CNKSR3: variants seen among roughly 807,000 people sequenced by gnomAD.
The protein encoded by CNKSR3 is CNKSR family member 3.
Under a neutral mutation model 67.7 loss-of-function variants are expected in CNKSR3, and 36 were observed. That is an observed-to-expected ratio of 0.53 (90% confidence interval 0.41 to 0.70). CNKSR3 has a LOEUF of 0.70. Among genes scored for constraint, CNKSR3 ranks in the 30% least tolerant of loss-of-function variants. The probability of loss-of-function intolerance (pLI) is 0.00; values close to 1 mark genes in which losing one functional copy is unlikely to be tolerated. For missense variants in CNKSR3, 630 were observed against 695.2 expected (o/e 0.91, Z 1.05); for synonymous variants, 281 against 271.4 (o/e 1.04, Z -0.35).
intron 8 of CNKSR3, 87 bp downstream of exon 8, chr6:154,422,828 G>A (rs1408990106): frequency 2.5e-5 from 31 of 1,257,380 alleles, no homozygotes; most frequent in South Asian, 1.5e-4. Context: ...GGATATAAGC[G>A]GCAAATTTTA....
At chr6:154,433,357 A>G (rs1249479976) in intron 5 of CNKSR3, 109 bp downstream of exon 5, 6 of 764,638 alleles carry the variant, frequency 7.8e-6, no homozygotes, top group Non-Finnish European at 1.3e-5. Context: ...CCAAAAGCCA[A>G]TATTTCAAAG....
In CNKSR3 at chr6:154,410,943, G is replaced by A; in HGVS notation, c.1270C>T (p.Pro424Ser). 1 of 1,611,818 alleles carries A rather than the reference G, an allele frequency of 6.2e-7. No individual in the cohort carries two copies. Among genetic ancestry groups the A allele is most frequent in the South Asian group, 1.1e-5 (1 of 90,834 alleles). The change falls in exon 11 of 13, where the codon CCA (proline) becomes TCA (serine). Residue 424 changes from proline to serine, a missense_variant. Coordinates refer to ENST00000607772, the MANE Select transcript of CNKSR3 (RefSeq NM_173515.4). ...AACACTTGAAACTTACCATAAGATG[G>A]TGTTTTCTCTCTCATTTTTGTGGGC... is the stretch of plus-strand genomic sequence containing the variant. ...ILPTKMREKT[P>S]SYGKPRPLSM...
chr6:154,504,211 G>A (rs1040636191), intron 1 of CNKSR3, among the ~76,000 whole-genome samples: 1 of 152,176 alleles, frequency 6.6e-6, no homozygotes, highest in Non-Finnish European at 1.5e-5. Context: ...GAAAGCTCAC[G>A]AAATTTGCAA....
rs1361928022 is a variant in CNKSR3, at chr6:154,395,608, CTT to C, written c.*10744_*10745del. ...AAAACTCAACTTTCTTGTTCTCAGA[CTT>C]TTATTAATGCAGTTTGTTGTCTCCA... On this transcript the variant is annotated 3_prime_UTR_variant, in exon 13 of 13. Coordinates refer to ENST00000607772, the MANE Select transcript of CNKSR3 (RefSeq NM_173515.4). 2.0e-5 allele frequency: 3 copies of C among 152,180 alleles called. No homozygotes were observed. Among genetic ancestry groups the C allele is most frequent in the Non-Finnish European group, 4.4e-5 (3 of 68,028 alleles). The allele number at this position is 152,180 out of a possible 1,614,324, so 9.4% of individuals were successfully genotyped here.
At chr6:154,454,082 A>AACACACACACACACACACACACACACAC (rs368097129) in intron 1 of CNKSR3, among the ~76,000 whole-genome samples, 2 of 78,284 alleles carry the variant, frequency 2.6e-5, no homozygotes, top group African/African-American at 5.6e-5. Flanking sequence ...GCAAGATGAA[A>AACACACACACACACACACACACACACAC]ACACACACAC....
At chr6:154,425,859 T>G (rs1785244324) in intron 7 of CNKSR3, among the ~76,000 whole-genome samples, 2 of 152,072 alleles carry the variant, frequency 1.3e-5, no homozygotes, top group South Asian at 4.2e-4. Context: ...CATTAAAACA[T>G]TCTGACAGTG....
intron 1 of CNKSR3, among the ~76,000 whole-genome samples, chr6:154,492,759 C>A (rs58118962): frequency 0.012 from 1,582 of 131,314 alleles, 92 homozygotes; most frequent in Admixed American, 0.095. Context: ...AAAAAAAAAA[C>A]AAAAAACAAA....
chr6:154,506,722 C>T lies in CNKSR3; in HGVS notation c.52+3341G>A, dbSNP rs1289949655. ...GGTTTTCTGTTATGTGCGGCTAACCCTACACGTTGTAAAAGATCATTTGCT... is the reference window on the plus strand; with the variant it reads ...GGTTTTCTGTTATGTGCGGCTAACCTTACACGTTGTAAAAGATCATTTGCT... On this transcript the variant is annotated intron_variant, in intron 1 of 12. Coordinates refer to ENST00000607772, the MANE Select transcript of CNKSR3 (RefSeq NM_173515.4). Among the ~76,000 whole-genome samples the T allele has an allele frequency of 2.0e-5, 3 of 152,246 alleles. No homozygotes were observed. In the East Asian group the frequency reaches 5.8e-4, roughly 29 times the overall value.
chr6:154,483,201 G>A (rs937646999), intron 1 of CNKSR3, among the ~76,000 whole-genome samples: 1 of 152,138 alleles, frequency 6.6e-6, no homozygotes, highest in African/African-American at 2.4e-5. Flanking sequence ...CTAGGCCACT[G>A]AGCCTCTAGG....
At chr6:154,443,422 A>G (rs1419285677) in intron 2 of CNKSR3, among the ~76,000 whole-genome samples, 1 of 149,726 alleles carries the variant, frequency 6.7e-6, no homozygotes, top group Non-Finnish European at 1.5e-5. Context: ...CGGTGTGACA[A>G]CCAAAAATCG....
rs1465514404 is a variant in CNKSR3 at position 154,400,650 on chromosome 6, C to T, written c.*5704G>A. 1 of 152,160 alleles carries T rather than the reference C, an allele frequency of 6.6e-6. No individual in the cohort carries two copies. Among genetic ancestry groups the T allele is most frequent in the East Asian group, 1.9e-4 (1 of 5,186 alleles). 9.4% of individuals were successfully genotyped at this position (152,160 alleles called of 1,614,324 possible). A position where few individuals can be genotyped will look rare whatever the true frequency, so the allele number is the denominator to read the frequency against. On this transcript the variant is annotated 3_prime_UTR_variant, in exon 13 of 13. Transcript: ENST00000607772. ...ATAAAAAATTTGTCTTTTACATACACAAATGCACACATATATAGGGTTTGG... is the reference window on the plus strand; with the variant it reads ...ATAAAAAATTTGTCTTTTACATACATAAATGCACACATATATAGGGTTTGG...
intron 4 of CNKSR3, among the ~76,000 whole-genome samples, chr6:154,435,214 T>C (rs975346581): frequency 1.9e-4 from 29 of 152,046 alleles, no homozygotes; most frequent in Admixed American, 1.6e-3. Context: ...CAGGCTGAAC[T>C]TGAATTCTAG....
At chr6:154,465,449 A>T (rs149261466) in intron 1 of CNKSR3, among the ~76,000 whole-genome samples, 35 of 151,776 alleles carry the variant, frequency 2.3e-4, no homozygotes, top group African/African-American at 8.0e-4. Context: ...TATATATATA[A>T]CCCCTTAAGT....
chr6:154,502,108 C>T (rs953720641), intron 1 of CNKSR3, among the ~76,000 whole-genome samples: 4 of 151,968 alleles, frequency 2.6e-5, no homozygotes, highest in Non-Finnish European at 5.9e-5. Flanking sequence ...ATACGCCATA[C>T]GTTATGCAAG....
At chr6:154,442,008 C>A (rs1785601847) in intron 3 of CNKSR3, 80 bp downstream of exon 3, 2 of 1,325,520 alleles carry the variant, frequency 1.5e-6, no homozygotes, top group African/African-American at 3.0e-5. Context: ...GGTTCCTTTT[C>A]CTAAGACAAA....
intron 1 of CNKSR3, among the ~76,000 whole-genome samples, chr6:154,504,313 A>G (rs1471565443): frequency 6.6e-6 from 1 of 152,232 alleles, no homozygotes; most frequent in Non-Finnish European, 1.5e-5. Context: ...CGGCAGAGAA[A>G]TCTCTTTGAC....
intron 1 of CNKSR3, among the ~76,000 whole-genome samples, chr6:154,498,067 A>G (rs1017846022): frequency 6.6e-6 from 1 of 152,216 alleles, no homozygotes; most frequent in African/African-American, 2.4e-5. Flanking sequence ...TACCCTGAAG[A>G]GTAACTATTC....
At position 154,439,415 on chromosome 6, in the gene CNKSR3, C is replaced by A. The variant is rs546457747; in HGVS notation, c.507+1877G>T. ...ACCCCGTGAAACAAACATGACCCCC[C>A]CTGCCTTCACTTTCATCCCTTTCTC... On this transcript the variant is annotated intron_variant, in intron 4 of 12. Coordinates refer to ENST00000607772, the MANE Select transcript of CNKSR3 (RefSeq NM_173515.4). Among the ~76,000 whole-genome samples, 9 of 152,088 alleles carry A rather than the reference C, an allele frequency of 5.9e-5. No individual in the cohort carries two copies. In the South Asian group the frequency reaches 6.2e-4, roughly 11 times the overall value.
chr6:154,500,178 C>A (rs1422219444), intron 1 of CNKSR3, among the ~76,000 whole-genome samples: 1 of 151,888 alleles, frequency 6.6e-6, no homozygotes, highest in East Asian at 1.9e-4. Flanking sequence ...ACTTGATTCT[C>A]CTGAAGACAA....
Sources: allele counts gnomAD v4.1 joint callset (sites outside exome capture counted in the v4.1 genomes callset), GRCh38; gene constraint gnomAD v4.1.1; transcripts MANE v1.5; gene names NCBI Gene and HGNC (gene_info 2026-07-23, HGNC 2026-07-21).